Variants in IL1RAPL2 observed in about 807,000 individuals in gnomAD.
The protein encoded by IL1RAPL2 is interleukin 1 receptor accessory protein like 2.
A neutral mutation model predicts 44.1 loss-of-function variants in IL1RAPL2; 3 were observed. The observed-to-expected ratio is 0.07, with a 90% CI of 0.03 to 0.18. The LOEUF is 0.18. Ranked by LOEUF, IL1RAPL2 falls within the 10% of genes least tolerant of loss-of-function variation. The pLI is 1.00. For missense variants in IL1RAPL2, 391 were observed against 496.4 expected (o/e 0.79, Z 2.02); for synonymous variants, 181 against 178.8 (o/e 1.01, Z -0.10).
chrX:105,560,833 T>TAA (rs2036930750), intron 6 of IL1RAPL2, among the ~76,000 whole-genome samples: 1 of 109,616 alleles, frequency 9.1e-6, no homozygotes, highest in South Asian at 3.7e-4. Flanking sequence ...TATATATATA[T>TAA]AATACATATA....
At chrX:105,492,304 T>C (rs1301108710) in intron 6 of IL1RAPL2, among the ~76,000 whole-genome samples, 2 of 110,753 alleles carry the variant, frequency 1.8e-5, no homozygotes, top group African/African-American at 3.3e-5. Context: ...ACAAGATCTG[T>C]TTCACTCCGA....
intron 5 of IL1RAPL2, among the ~76,000 whole-genome samples, chrX:105,411,102 G>T (rs773832323): frequency 9.0e-6 from 1 of 111,503 alleles, no homozygotes; most frequent in African/African-American, 3.2e-5. Context: ...ATAGTCTATT[G>T]TAATTCTAAG....
At chrX:104,978,054 C>G (rs1249405956) in intron 2 of IL1RAPL2, among the ~76,000 whole-genome samples, 1 of 111,329 alleles carries the variant, frequency 9.0e-6, no homozygotes, top group Non-Finnish European at 1.9e-5. Flanking sequence ...GGTCCAGAAC[C>G]CAAGCCCCAC....
At chrX:105,653,953 G>A (rs2037659222) in intron 6 of IL1RAPL2, among the ~76,000 whole-genome samples, 1 of 110,169 alleles carries the variant, frequency 9.1e-6, no homozygotes, top group South Asian at 3.8e-4. Context: ...TTGTGTGTGT[G>A]TGTCTGTGTA....
intron 2 of IL1RAPL2, among the ~76,000 whole-genome samples, chrX:105,050,212 A>G (rs768338318): frequency 6.2e-5 from 7 of 112,135 alleles, no homozygotes; most frequent in Non-Finnish European, 1.1e-4. Context: ...GTTTCTGTCC[A>G]TAGGTGCAGC....
intron 2 of IL1RAPL2, among the ~76,000 whole-genome samples, chrX:104,906,198 T>C (rs1352373375): frequency 2.2e-4 from 24 of 111,521 alleles, no homozygotes; most frequent in African/African-American, 7.8e-4. Context: ...CTTGAGGAGA[T>C]TTTGGGCTGA....
At chrX:105,441,970 G>A (rs982898466) in intron 5 of IL1RAPL2, among the ~76,000 whole-genome samples, 8 of 111,165 alleles carry the variant, frequency 7.2e-5, no homozygotes, top group African/African-American at 1.6e-4. Flanking sequence ...ATTTCCCCAC[G>A]AATAATTTTA....
chrX:104,951,862 C>G (rs1925594178), intron 2 of IL1RAPL2, among the ~76,000 whole-genome samples: 1 of 112,087 alleles, frequency 8.9e-6, no homozygotes, highest in Non-Finnish European at 1.9e-5. Context: ...CTAATGTCAA[C>G]TATGTGCCAG....
At chrX:104,812,562 T>A (rs747694759) in intron 2 of IL1RAPL2, among the ~76,000 whole-genome samples, 1 of 111,374 alleles carries the variant, frequency 9.0e-6, no homozygotes, top group South Asian at 3.8e-4. Flanking sequence ...GCAGCACTTA[T>A]CTCACTACAT....
chrX:104,659,489 C>G (rs1056159015), intron 2 of IL1RAPL2, among the ~76,000 whole-genome samples: 1 of 111,703 alleles, frequency 9.0e-6, no homozygotes, highest in Non-Finnish European at 1.9e-5. Flanking sequence ...AGGAATTTCT[C>G]GAGAAGAAAA....
intron 2 of IL1RAPL2, among the ~76,000 whole-genome samples, chrX:104,761,991 C>T (rs1196702766): frequency 2.5e-5 from 2 of 80,017 alleles, no homozygotes; most frequent in Non-Finnish European, 4.9e-5. Flanking sequence ...CTTCCTCCTC[C>T]TCCTCTTCTT....
chrX:105,444,364 ATTTTT>A, intron 5 of IL1RAPL2, among the ~76,000 whole-genome samples: 1 of 110,868 alleles, frequency 9.0e-6, no homozygotes, highest in Middle Eastern at 4.6e-3. Context: ...ACATTTGTTC[ATTTTT>A]GCGTTGGTTC....
chrX:105,002,566 A>G (rs986736236), intron 2 of IL1RAPL2, among the ~76,000 whole-genome samples: 6 of 110,815 alleles, frequency 5.4e-5, no homozygotes, highest in Admixed American at 9.6e-5. Flanking sequence ...TGGTCCATGA[A>G]TTCTCTGGGA....
At chrX:104,942,972 T>C (rs969197469) in intron 2 of IL1RAPL2, among the ~76,000 whole-genome samples, 1 of 111,733 alleles carries the variant, frequency 8.9e-6, no homozygotes, top group East Asian at 2.8e-4. Flanking sequence ...TTGTCTTTGG[T>C]TCTGTTTATA....
chrX:104,623,572 G>A (rs1211386453), intron 1 of IL1RAPL2, among the ~76,000 whole-genome samples: 1 of 111,198 alleles, frequency 9.0e-6, no homozygotes, highest in Admixed American at 9.6e-5. Context: ...AGAGTCAGTT[G>A]TTGAATACTT....
intron 5 of IL1RAPL2, among the ~76,000 whole-genome samples, chrX:105,292,923 C>T (rs1388175520): frequency 1.8e-5 from 2 of 109,451 alleles, no homozygotes; most frequent in African/African-American, 3.3e-5. Flanking sequence ...ACCAGCCTGG[C>T]CAATATGGTG....
chrX:105,087,716 A>G (rs1230181058), intron 2 of IL1RAPL2, among the ~76,000 whole-genome samples: 1 of 112,088 alleles, frequency 8.9e-6, no homozygotes, highest in Admixed American at 9.5e-5. Flanking sequence ...TTTCTCATAT[A>G]TAAAATGGGG....
At chrX:104,932,425 C>T (rs1924929770) in intron 2 of IL1RAPL2, among the ~76,000 whole-genome samples, 1 of 111,851 alleles carries the variant, frequency 8.9e-6, no homozygotes. Context: ...CACACACACA[C>T]ACATGATGAA....
chrX:104,826,933 C>T lies in IL1RAPL2; in HGVS notation c.82+167938C>T, dbSNP rs1255680891. ...TTTTATCAGAGACTAGAATTGCAAC[C>T]CCTGCTTTTTTTTTTTTTTTTTTTT... On this transcript the variant is annotated intron_variant, in intron 2 of 10. Transcript: ENST00000372582. Among the ~76,000 whole-genome samples, 77 of 95,089 alleles carry T rather than the reference C, an allele frequency of 8.1e-4. 2 individuals are homozygous for T. Among genetic ancestry groups the T allele is most frequent in the Admixed American group, 7.1e-4 (6 of 8,503 alleles). 82.6% of individuals were successfully genotyped at this position (95,089 alleles called of 115,157 possible).
Sources: gnomAD v4.1 joint callset for allele counts (sites outside exome capture counted in the v4.1 genomes callset) on GRCh38, gnomAD v4.1.1 for gene constraint, MANE v1.5 for transcripts, NCBI Gene and HGNC (gene_info 2026-07-23, HGNC 2026-07-21) for gene names.